DIS3L2: variants seen among roughly 807,000 people sequenced by gnomAD.
DIS3L2 encodes DIS3-like exonuclease 2.
DIS3L2 carries 34 observed loss-of-function variants against 97.5 expected under a neutral mutation model. The observed-to-expected ratio is 0.35, with a 90% confidence interval of 0.27 to 0.46. The LOEUF is 0.46. Among genes scored for constraint, DIS3L2 ranks in the 20% least tolerant of loss-of-function variants. The probability of loss-of-function intolerance (pLI) is 1.00; values close to 1 mark genes in which losing one functional copy is unlikely to be tolerated. For synonymous variants in DIS3L2, 435 were observed against 445.2 expected, an observed-to-expected ratio of 0.98 and a Z score of 0.29; for missense variants, 1,038 against 1,146.0, an observed-to-expected ratio of 0.91 and a Z score of 1.36.
At chr2:232,087,421 G>T (rs964311048) in intron 5 of DIS3L2, 66 bp from the exon 6 acceptor site, 2 of 1,287,230 alleles carry the variant, frequency 1.6e-6, no homozygotes, top group African/African-American at 3.3e-5. Context: ...CCTTAGAAAA[G>T]AAAAATCTGC....
At chr2:232,242,439 C>T (rs1464660560) in intron 11 of DIS3L2, among the ~76,000 whole-genome samples, 2 of 152,158 alleles carry the variant, frequency 1.3e-5, no homozygotes, top group East Asian at 1.9e-4. Flanking sequence ...GTGGAGAAGC[C>T]CCTATGACTT....
intron 6 of DIS3L2, among the ~76,000 whole-genome samples, chr2:232,089,508 A>G (rs1696775762): frequency 6.6e-6 from 1 of 152,212 alleles, no homozygotes. Flanking sequence ...CATCAGTACT[A>G]TGAGTCATGT....
intron 8 of DIS3L2, among the ~76,000 whole-genome samples, 163 bp downstream of exon 8, chr2:232,136,882 C>T (rs866288641): frequency 2.0e-5 from 3 of 152,180 alleles, no homozygotes; most frequent in African/African-American, 7.2e-5. Flanking sequence ...TAGCTGCCAC[C>T]TCAACTGATT....
chr2:232,334,346 C>T lies in DIS3L2; in HGVS notation c.2159-23C>T, dbSNP rs375601958. On this transcript the variant is annotated intron_variant, in intron 17 of 20. Coordinates refer to ENST00000325385, the MANE Select transcript of DIS3L2 (RefSeq NM_152383.5). ...TCCCAGCCCCCCAGGCTCCCACTCTCATGCCTCACCCCCTCTTCCCAGGCT... is the reference window on the plus strand; with the variant it reads ...TCCCAGCCCCCCAGGCTCCCACTCTTATGCCTCACCCCCTCTTCCCAGGCT... The T allele has an allele frequency of 4.9e-5, 79 of 1,611,630 alleles. 1 individual carries two copies. The highest frequency in any genetic ancestry group is 3.3e-4 in the East Asian group (15 of 44,830).
At chr2:232,201,034 C>G (rs1691879883) in intron 9 of DIS3L2, among the ~76,000 whole-genome samples, 1 of 152,208 alleles carries the variant, frequency 6.6e-6, no homozygotes, top group African/African-American at 2.4e-5. Context: ...CTCGGCCTCC[C>G]AAAGTGCTGG....
At chr2:231,966,641 A>ATTTTTTTTTTTTTTTTTTT (rs36151054) in intron 1 of DIS3L2, among the ~76,000 whole-genome samples, 15 of 50,392 alleles carry the variant, frequency 3.0e-4, no homozygotes, top group South Asian at 1.1e-3. Context: ...GTTAAAAAAC[A>ATTTTTTTTTTTTTTTTTTT]TTTTTTTTTT....
rs566061848 is a variant in DIS3L2, at chr2:232,296,717, G to A, written c.1660-3323G>A. Among the ~76,000 whole-genome samples the A allele has an allele frequency of 2.0e-5, 3 of 152,260 alleles. No homozygotes were observed. The South Asian group carries it at 6.2e-4, about 32-fold the overall frequency. ...GGCCTCCCCAGCCATGTGGAACTGTGAGTCCATTAAACCTCTTTCCTTTAT... is the reference window on the plus strand; with the variant it reads ...GGCCTCCCCAGCCATGTGGAACTGTAAGTCCATTAAACCTCTTTCCTTTAT... On this transcript the variant is annotated intron_variant, in intron 13 of 20. Coordinates refer to ENST00000325385, the MANE Select transcript of DIS3L2 (RefSeq NM_152383.5).
At position 232,249,425 on chromosome 2, in the gene DIS3L2, C is replaced by A. The variant is rs1408069078; in HGVS notation, c.1425+79C>A. On this transcript the variant is annotated intron_variant, in intron 12 of 20. Transcript: ENST00000325385. ...CATGAAGCACTCACCATGTGCCTGG[C>A]ACTGGCTTGGGTGCCATGGTGGTAA... The A allele has an allele frequency of 3.0e-5, 43 of 1,445,752 alleles. No homozygotes were observed. The South Asian group carries it at 4.6e-4, about 15-fold the overall frequency. 89.6% of individuals were successfully genotyped at this position (1,445,752 alleles called of 1,614,324 possible).
At position 232,163,524 on chromosome 2, in the gene DIS3L2, A is replaced by C; in HGVS notation, c.1016A>C (p.Glu339Ala). The stretch of plus-strand genomic sequence containing the variant: ...CCTGAAACAGAAGGAATACTAACAG[A>C]GTATGGCGTGGATTTCTCTGATTTC... ...IEPETEGILT[E>A]YGVDFSDFSS... is the part of the protein sequence containing the mutation. The change falls in exon 9 of 21, where the codon GAG becomes GCG. Residue 339 changes from glutamate to alanine, a missense_variant. By Grantham distance (107) the Glu-to-Ala change is moderately radical. Transcript: ENST00000325385. 1.2e-6 allele frequency: 2 copies of C among 1,614,208 alleles called. No homozygotes were observed. Among genetic ancestry groups the C allele is most frequent in the Non-Finnish European group, 1.7e-6 (2 of 1,180,028 alleles).
At chr2:232,025,963 C>T (rs1694645215) in intron 4 of DIS3L2, among the ~76,000 whole-genome samples, 1 of 152,136 alleles carries the variant, frequency 6.6e-6, no homozygotes, top group Non-Finnish European at 1.5e-5. Flanking sequence ...TAAGTTCATC[C>T]TGAGAGACAG....
At chr2:232,263,471 A>G (rs1693773661) in intron 13 of DIS3L2, 31 bp downstream of exon 13, 2 of 1,610,194 alleles carry the variant, frequency 1.2e-6, no homozygotes, top group Non-Finnish European at 8.5e-7. Context: ...TGTAGCCAAC[A>G]GATTTGACTC....
intron 5 of DIS3L2, among the ~76,000 whole-genome samples, chr2:232,077,949 T>TTC (rs1696246968): frequency 6.9e-6 from 1 of 145,308 alleles, no homozygotes; most frequent in Non-Finnish European, 1.5e-5. Context: ...TTCTTTTTCT[T>TTC]TCTTTCTCTT....
intron 1 of DIS3L2, among the ~76,000 whole-genome samples, chr2:231,965,609 A>T (rs909253308): frequency 2.6e-5 from 4 of 152,202 alleles, no homozygotes; most frequent in Non-Finnish European, 5.9e-5. Context: ...TTAATCATCA[A>T]ATATAATATT....
chr2:232,022,079 G>A (rs569110874), intron 3 of DIS3L2, among the ~76,000 whole-genome samples: 4 of 152,144 alleles, frequency 2.6e-5, no homozygotes, highest in African/African-American at 9.7e-5. Flanking sequence ...TGAGTAAGAC[G>A]AGATCTGTGG....
At chr2:232,147,475 C>T (rs1690251029) in intron 8 of DIS3L2, among the ~76,000 whole-genome samples, 1 of 152,152 alleles carries the variant, frequency 6.6e-6, no homozygotes, top group Non-Finnish European at 1.5e-5. Context: ...ATTCCAGGAT[C>T]TCATATTACA....
At chr2:231,990,785 T>A (rs1574791881) in intron 1 of DIS3L2, among the ~76,000 whole-genome samples, 1 of 152,180 alleles carries the variant, frequency 6.6e-6, no homozygotes, top group Admixed American at 6.5e-5. Context: ...ATACTGTAGA[T>A]CCACTCAAGC....
chr2:232,323,029 T>A (rs547696560), intron 14 of DIS3L2, among the ~76,000 whole-genome samples: 1 of 152,264 alleles, frequency 6.6e-6, no homozygotes, highest in South Asian at 2.1e-4. Flanking sequence ...CTGTGGGGAC[T>A]CCCCCAGGTG....
chr2:232,216,413 C>T (rs1401508560), intron 10 of DIS3L2, among the ~76,000 whole-genome samples: 2 of 152,286 alleles, frequency 1.3e-5, no homozygotes, highest in Middle Eastern at 3.4e-3. Flanking sequence ...GCATCAGTGC[C>T]CCTCTCATGC....
intron 5 of DIS3L2, among the ~76,000 whole-genome samples, chr2:232,064,249 C>T (rs1177922010): frequency 2.0e-5 from 3 of 152,164 alleles, no homozygotes; most frequent in African/African-American, 7.2e-5. Flanking sequence ...TCCCACAGCC[C>T]CTGCCAACCA....
Sources: gnomAD v4.1 joint callset for allele counts (sites outside exome capture counted in the v4.1 genomes callset) on GRCh38, gnomAD v4.1.1 for gene constraint, MANE v1.5 for transcripts, NCBI Gene and HGNC (gene_info 2026-07-23, HGNC 2026-07-21) for gene names.